The following MALRD1 variants were observed in gnomAD, a reference collection of about 807,000 sequenced individuals.
MALRD1 encodes the protein MAM and LDL-receptor class A domain-containing protein 1.
In MALRD1, 247 loss-of-function variants were observed where a neutral mutation model predicts 242.1. The ratio of observed to expected loss-of-function variants is 1.02; its 90% CI spans 0.92 to 1.13. The LOEUF (loss-of-function observed/expected upper bound fraction) is 1.13, where lower values mean the gene tolerates loss of function less well. Among genes scored for constraint, MALRD1 ranks in the 50% most tolerant of loss-of-function variants. MALRD1 has a pLI of 0.00. For missense variants in MALRD1, 2,989 were observed against 2,533.1 expected, an observed-to-expected ratio of 1.18 and a Z score of -3.86; for synonymous variants, 995 against 866.6, an observed-to-expected ratio of 1.15 and a Z score of -2.60.
At chr10:19,311,897 A>C (rs1169619725) in intron 21 of MALRD1, among the ~76,000 whole-genome samples, 2 of 151,570 alleles carry the variant, frequency 1.3e-5, no homozygotes, top group African/African-American at 4.8e-5. Flanking sequence ...GTTATTATAA[A>C]AACAGTGATA....
At chr10:19,163,690 T>A (rs79145805) in intron 12 of MALRD1, among the ~76,000 whole-genome samples, 3,604 of 152,268 alleles carry the variant, frequency 0.024, 128 homozygotes, top group East Asian at 0.18. Context: ...TGAAAACAAT[T>A]GTGGGCTGTA....
At chr10:19,502,538 A>G (rs961145749) in intron 31 of MALRD1, among the ~76,000 whole-genome samples, 4 of 152,200 alleles carry the variant, frequency 2.6e-5, no homozygotes, top group African/African-American at 9.6e-5. Flanking sequence ...TTTCTCCATT[A>G]TGATAAATAT....
At chr10:19,143,662 G>C (rs1191164147) in intron 10 of MALRD1, among the ~76,000 whole-genome samples, 1 of 152,184 alleles carries the variant, frequency 6.6e-6, no homozygotes, top group Non-Finnish European at 1.5e-5. Flanking sequence ...GTGTGTTCTA[G>C]GAATTGGAGG....
intron 32 of MALRD1, among the ~76,000 whole-genome samples, chr10:19,535,947 A>G (rs1478803785): frequency 1.3e-5 from 2 of 152,180 alleles, no homozygotes; most frequent in African/African-American, 4.8e-5. Flanking sequence ...ACCTAAGATG[A>G]ATTTTCAGAG....
chr10:19,449,005 A>T (rs1362930524), intron 28 of MALRD1, among the ~76,000 whole-genome samples: 1 of 152,134 alleles, frequency 6.6e-6, no homozygotes, highest in African/African-American at 2.4e-5. Context: ...AGAAGCTACA[A>T]CCTGAATAAT....
At chr10:19,671,919 C>A (rs1039643050) in intron 36 of MALRD1, among the ~76,000 whole-genome samples, 1 of 152,092 alleles carries the variant, frequency 6.6e-6, no homozygotes, top group Non-Finnish European at 1.5e-5. Flanking sequence ...GCAATCATCT[C>A]TTGCTCTTTT....
At chr10:19,171,268 T>C (rs1834909542) in intron 13 of MALRD1, among the ~76,000 whole-genome samples, 1 of 151,576 alleles carries the variant, frequency 6.6e-6, no homozygotes, top group South Asian at 2.1e-4. Flanking sequence ...ATGTAAATTA[T>C]TCAATTACCT....
chr10:19,718,672 G>A (rs537720506), intron 38 of MALRD1, among the ~76,000 whole-genome samples: 62 of 152,272 alleles, frequency 4.1e-4, no homozygotes, highest in African/African-American at 1.4e-3. Flanking sequence ...ATTCTTTAAA[G>A]CATGACTTGA....
intron 31 of MALRD1, among the ~76,000 whole-genome samples, chr10:19,514,305 CAT>C (rs1265828064): frequency 1.3e-5 from 2 of 152,128 alleles, no homozygotes; most frequent in Non-Finnish European, 1.5e-5. Context: ...ATATTAATAA[CAT>C]ATCATACAAT....
intron 19 of MALRD1, among the ~76,000 whole-genome samples, chr10:19,274,817 TG>T (rs1840427539): frequency 6.6e-6 from 1 of 151,914 alleles, no homozygotes; most frequent in Non-Finnish European, 1.5e-5. Flanking sequence ...TGCCGAGAGC[TG>T]GGGGGAGGCA....
At chr10:19,589,331 C>T (rs1036384942) in intron 33 of MALRD1, among the ~76,000 whole-genome samples, 1 of 151,982 alleles carries the variant, frequency 6.6e-6, no homozygotes, top group Middle Eastern at 3.2e-3. Context: ...GACTCCACAC[C>T]CTTGTTCCTT....
chr10:19,358,136 C>T (rs1056313724), intron 26 of MALRD1, among the ~76,000 whole-genome samples: 5 of 151,360 alleles, frequency 3.3e-5, no homozygotes, highest in Admixed American at 2.6e-4. Context: ...CGGTCATATT[C>T]TCTACTTATT....
rs1293988877 is a variant in MALRD1, at chr10:19,331,878, GT to G, written c.3901+303del. On this transcript the variant is annotated intron_variant, in intron 24 of 39. Coordinates refer to ENST00000454679, the MANE Select transcript of MALRD1 (RefSeq NM_001142308.3). ...AACAAGTATTTTTCATATGAAAGTG[GT>G]TTTTTTGAGACGGAATCTCACTCTG... Among the ~76,000 whole-genome samples the G allele has an allele frequency of 2.6e-5, 4 of 152,120 alleles. No homozygotes were observed. The East Asian group carries it at 7.7e-4, about 29-fold the overall frequency.
intron 28 of MALRD1, among the ~76,000 whole-genome samples, chr10:19,408,893 A>G (rs550711280): frequency 2.6e-4 from 39 of 152,334 alleles, no homozygotes; most frequent in African/African-American, 8.9e-4. Flanking sequence ...AAACAAATAA[A>G]CCAAAAACTA....
At chr10:19,442,145 G>T (rs1282208016) in intron 28 of MALRD1, among the ~76,000 whole-genome samples, 6 of 152,062 alleles carry the variant, frequency 3.9e-5, no homozygotes, top group Non-Finnish European at 8.8e-5. Context: ...GTCTGTTATT[G>T]GTGTATAGGA....
At chr10:19,306,314 T>C (rs1257413843) in intron 21 of MALRD1, among the ~76,000 whole-genome samples, 1 of 139,746 alleles carries the variant, frequency 7.2e-6, no homozygotes, top group Non-Finnish European at 1.5e-5. Flanking sequence ...ATATATACCG[T>C]ATATAGTATA....
intron 18 of MALRD1, among the ~76,000 whole-genome samples, chr10:19,248,920 T>G (rs1839178982): frequency 1.4e-5 from 2 of 147,568 alleles, no homozygotes; most frequent in South Asian, 4.2e-4. Flanking sequence ...TGTGTATATG[T>G]TTTAATTTAT....
intron 14 of MALRD1, among the ~76,000 whole-genome samples, chr10:19,182,288 A>C (rs1835540025): frequency 6.7e-6 from 1 of 148,974 alleles, no homozygotes; most frequent in Non-Finnish European, 1.5e-5. Context: ...ATCAGTTAGA[A>C]TTCCATTTTA....
At chr10:19,633,442 T>A (rs1174207385) in intron 36 of MALRD1, among the ~76,000 whole-genome samples, 1 of 152,172 alleles carries the variant, frequency 6.6e-6, no homozygotes, top group Non-Finnish European at 1.5e-5. Flanking sequence ...GCTGTGGCTG[T>A]TGGCCCATCA....
Sources: gnomAD v4.1 joint callset for allele counts (sites outside exome capture counted in the v4.1 genomes callset) on GRCh38, gnomAD v4.1.1 for gene constraint, MANE v1.5 for transcripts, NCBI Gene and HGNC (gene_info 2026-07-23, HGNC 2026-07-21) for gene names.